Variants in ITPR3 observed in about 807,000 individuals in gnomAD.
ITPR3 encodes inositol 1,4,5-trisphosphate receptor type 3, also known as inositol 1,4,5-trisphosphate-gated calcium channel ITPR3.
ITPR3 carries 173 observed loss-of-function variants against 293.2 expected under a neutral mutation model. The observed-to-expected ratio is 0.59, with a 90% CI of 0.52 to 0.67. The LOEUF (loss-of-function observed/expected upper bound fraction) is 0.67, where lower values mean the gene tolerates loss of function less well. ITPR3 is among the 30% of genes least tolerant of loss of function. The pLI is 0.00. For synonymous variants in ITPR3, 1,295 were observed against 1,444.4 expected (o/e 0.90, Z 2.35); for missense variants, 2,796 against 3,592.1 (o/e 0.78, Z 5.66).
rs1024809192 is a variant in ITPR3, at chr6:33,679,271, T to C, written c.3972+432T>C. Among the ~76,000 whole-genome samples, 3 of 151,970 alleles carry C rather than the reference T, an allele frequency of 2.0e-5. No individual in the cohort carries two copies. The highest frequency in any genetic ancestry group is 4.4e-5 in the Non-Finnish European group (3 of 67,996). On this transcript the variant is annotated intron_variant, in intron 30 of 57. Coordinates refer to ENST00000605930, the MANE Select transcript of ITPR3 (RefSeq NM_002224.4). The surrounding 1 kb of genome is among the most constrained non-coding windows in gnomAD (Gnocchi z 4.2). The stretch of plus-strand genomic sequence containing the variant: ...CGCCAGGGCCCCAGTGTGTGGCGCA[T>C]AGTAGGTTCTCAACAGACACCTGTT...
At chr6:33,661,116 G>A (rs969333580) in intron 7 of ITPR3, among the ~76,000 whole-genome samples, 1 of 152,190 alleles carries the variant, frequency 6.6e-6, no homozygotes, top group Non-Finnish European at 1.5e-5. Flanking sequence ...CTGCGCTACT[G>A]GGGCACAGAA....
chr6:33,678,464 T>C lies in ITPR3; in HGVS notation c.3692T>C (p.Phe1231Ser). Reference protein sequence around the residue: ...MMEILRYTHQFLQKFCAGNPG... With the variant: ...MMEILRYTHQSLQKFCAGNPG... ...GAGATCCTGCGCTACACGCACCAGT[T>C]CCTGCAGAAGTTCTGTGCAGGGAAC... is the stretch of plus-strand genomic sequence containing the variant. Residue 1231 changes from phenylalanine (F) to serine (S), a missense_variant, in exon 29 of 58, where the codon TTC becomes TCC. Around this residue, in one of 8 missense-constraint regions of ITPR3, gnomAD observed 344 missense variants for 460.3 expected, o/e 0.75. Transcript: ENST00000605930. The C allele has an allele frequency of 6.2e-7, 1 of 1,613,648 alleles. No homozygotes were observed. Among genetic ancestry groups the C allele is most frequent in the Non-Finnish European group, 8.5e-7 (1 of 1,180,014 alleles).
intron 2 of ITPR3, among the ~76,000 whole-genome samples, chr6:33,647,027 G>T (rs7771951): frequency 5.3e-5 from 8 of 152,134 alleles, no homozygotes; most frequent in African/African-American, 1.7e-4. Context: ...ATTAAAAAAG[G>T]TTATTTATTT....
rs1764869913 is a variant in ITPR3, at chr6:33,675,074, C to A, written c.3117-617C>A. ...CATTTTCTCCATCTCTGTTCATGGG[C>A]CCCGCTTCTATCCATGAATCCCCCG... On this transcript the variant is annotated intron_variant, in intron 24 of 57. Transcript: ENST00000605930. The surrounding 1 kb of genome is among the most constrained non-coding windows in gnomAD (Gnocchi z 5.0). 6.6e-6 allele frequency among the ~76,000 whole-genome samples: 1 copy of A among 152,150 alleles called. No homozygotes were observed. Among genetic ancestry groups the A allele is most frequent in the Non-Finnish European group, 1.5e-5 (1 of 68,024 alleles).
chr6:33,650,449 G>A (rs1461476990), intron 2 of ITPR3, among the ~76,000 whole-genome samples: 1 of 152,184 alleles, frequency 6.6e-6, no homozygotes, highest in Non-Finnish European at 1.5e-5. Context: ...GAGCAGGGAG[G>A]GCTCTTTTCT....
At chr6:33,662,716 G>A in intron 8 of ITPR3, 42 bp downstream of exon 8, 1 of 1,598,124 alleles carries the variant, frequency 6.3e-7, no homozygotes. Context: ...CTCAGCCTTG[G>A]ATGCCACCCC....
In ITPR3 at chr6:33,684,166, C is replaced by T. The variant is rs774692219; in HGVS notation, c.4935C>T (p.Ser1645=). The change falls in exon 36 of 58, where the codon TCC becomes TCT. Residue 1645 remains serine (S), a splice_region_variant and synonymous_variant. Coordinates refer to ENST00000605930, the MANE Select transcript of ITPR3 (RefSeq NM_002224.4). The surrounding 1 kb of genome is among the most constrained non-coding windows in gnomAD (Gnocchi z 4.2). ...YQRCESGGFL[S]KLIQHTKDLM... ...GCTGCGAGAGTGGGGGCTTCCTGTC[C>T]AAGTGAGCGAGACACTGGGGCATGG... 1 of 1,610,170 alleles carries T rather than the reference C, an allele frequency of 6.2e-7. No homozygotes were observed.
chr6:33,659,797 C>G (rs1387053650), intron 7 of ITPR3, among the ~76,000 whole-genome samples: 1 of 152,196 alleles, frequency 6.6e-6, no homozygotes, highest in Non-Finnish European at 1.5e-5. Flanking sequence ...TGTTTTCTCC[C>G]TTGTTTAAGG....
rs1455504264 is a variant in ITPR3, at chr6:33,655,637, T to G, written c.161-129T>G. On this transcript the variant is annotated intron_variant, in intron 2 of 57. Coordinates refer to ENST00000605930, the MANE Select transcript of ITPR3 (RefSeq NM_002224.4). This position sits in a 1 kb window ranked among gnomAD's most constrained non-coding sequence, Gnocchi z 4.9. ...GTGAGGTTCTTCCAACCGCTTCCTCTCTACCTGCAGCGGGGAACGGGGGTG... is the reference window on the plus strand; with the variant it reads ...GTGAGGTTCTTCCAACCGCTTCCTCGCTACCTGCAGCGGGGAACGGGGGTG... 8.0e-7 allele frequency: 1 copy of G among 1,243,398 alleles called. No individual in the cohort carries two copies. The highest frequency in any genetic ancestry group is 1.1e-6 in the Non-Finnish European group (1 of 891,686). 77.0% of individuals were successfully genotyped at this position (1,243,398 alleles called of 1,614,324 possible).
Position 33,688,075 on chromosome 6 carries a change from C to G in ITPR3, c.6283C>G (p.Gln2095Glu). ...CCTCCAGCTCAGCCTCAACAACAAG[C>G]AGCTGTCACAGATGCTCAAGTCCTC... ...ISSMLSLNNK[Q>E]LSQMLKSSAP... Residue 2095 changes from glutamine to glutamate, a missense_variant, in exon 47 of 58, where the codon CAG (glutamine) becomes GAG (glutamate). Transcript: ENST00000605930. The G allele has an allele frequency of 6.2e-7, 1 of 1,613,978 alleles. No homozygotes were observed. Among genetic ancestry groups the G allele is most frequent in the Non-Finnish European group, 8.5e-7 (1 of 1,179,886 alleles).
intron 28 of ITPR3, among the ~76,000 whole-genome samples, chr6:33,678,091 C>T (rs947049553): frequency 2.0e-5 from 3 of 152,114 alleles, no homozygotes; most frequent in Non-Finnish European, 4.4e-5. Flanking sequence ...CCAGGCCCAC[C>T]CTGGCTCCTG....
chr6:33,668,814 G>T (rs1190407690), intron 17 of ITPR3, among the ~76,000 whole-genome samples, 160 bp from the exon 18 acceptor site: 1 of 152,160 alleles, frequency 6.6e-6, no homozygotes, highest in African/African-American at 2.4e-5. Context: ...TGGGGAAGGG[G>T]CACAGAAAAG....
In ITPR3 at chr6:33,632,074, C is replaced by A. The variant is rs1454861889; in HGVS notation, c.90-8410C>A. Among the ~76,000 whole-genome samples, 1 of 152,074 alleles carries A rather than the reference C, an allele frequency of 6.6e-6. No homozygotes were observed. The highest frequency in any genetic ancestry group is 1.5e-5 in the Non-Finnish European group (1 of 68,000). On this transcript the variant is annotated intron_variant, in intron 1 of 57. Transcript: ENST00000605930. This position sits in a 1 kb window ranked among gnomAD's most constrained non-coding sequence, Gnocchi z 4.1. Reference sequence around the variant, plus strand: ...AACAGTTTGTGCCTTCAGTCTCTTGCCTTGGCACCTGGGTAATCCTCCACC... The same window carrying A: ...AACAGTTTGTGCCTTCAGTCTCTTGACTTGGCACCTGGGTAATCCTCCACC...
In ITPR3 at chr6:33,684,762, T is replaced by A. The variant is rs773157974; in HGVS notation, c.5138-12T>A. The A allele has an allele frequency of 5.0e-6, 8 of 1,609,556 alleles. No homozygotes were observed. The highest frequency in any genetic ancestry group is 1.3e-5 in the African/African-American group (1 of 74,816). On this transcript the variant is annotated splice_polypyrimidine_tract_variant and intron_variant, in intron 38 of 57. Transcript: ENST00000605930. This position sits in a 1 kb window ranked among gnomAD's most constrained non-coding sequence, Gnocchi z 4.2. The stretch of plus-strand genomic sequence containing the variant: ...TCACACCAGCTCTCCCTCAACCGAG[T>A]CCCGCCTCCAGGCCTGGACCCAGAC...
chr6:33,684,138 A>C lies in ITPR3; in HGVS notation c.4907A>C (p.Gln1636Pro). 6.2e-7 allele frequency: 1 copy of C among 1,611,076 alleles called. No homozygotes were observed. The highest frequency in any genetic ancestry group is 8.5e-7 in the Non-Finnish European group (1 of 1,179,830). The change falls in exon 36 of 58, where the codon CAG (glutamine) becomes CCG (proline). Residue 1636 changes from glutamine (Q) to proline (P), a missense_variant. Physicochemically the swap from Gln to Pro is moderately conservative, Grantham distance 76. Coordinates refer to ENST00000605930, the MANE Select transcript of ITPR3 (RefSeq NM_002224.4). This position sits in a 1 kb window ranked among gnomAD's most constrained non-coding sequence, Gnocchi z 4.2. ...TTCCTGGAGGGCAGTGAGGCCTACC[A>C]GCGCTGCGAGAGTGGGGGCTTCCTG... is the stretch of plus-strand genomic sequence containing the variant. The part of the protein sequence containing the change: ...LLFLEGSEAY[Q>P]RCESGGFLSK...
Position 33,696,217 on chromosome 6 carries a change from TTTAAC to T in ITPR3, c.*441_*445del, listed in dbSNP as rs538488393. On this transcript the variant is annotated 3_prime_UTR_variant, in exon 58 of 58. Transcript: ENST00000605930. ...TACTAGTGATTTTAGGGCTTTGTTATTTAACTTATTTCAAGGGTGCTGTGCTCAGC... is the reference window on the plus strand; with the variant it reads ...TACTAGTGATTTTAGGGCTTTGTTATTTATTTCAAGGGTGCTGTGCTCAGC... The T allele has an allele frequency of 2.8e-3, 557 of 196,052 alleles. 3 individuals are homozygous for T. The highest frequency in any genetic ancestry group is 8.9e-3 in the Middle Eastern group (4 of 450). 12.1% of individuals were successfully genotyped at this position (196,052 alleles called of 1,614,324 possible).
intron 2 of ITPR3, among the ~76,000 whole-genome samples, chr6:33,645,687 G>T (rs536435452): frequency 6.6e-6 from 1 of 152,340 alleles, no homozygotes; most frequent in African/African-American, 2.4e-5. Context: ...CCACATCCTT[G>T]CCACACTTGG....
At chr6:33,665,383 G>A (rs16869323) in intron 13 of ITPR3, among the ~76,000 whole-genome samples, 170 bp downstream of exon 13, 3,090 of 152,306 alleles carry the variant, frequency 0.02, 99 homozygotes, top group African/African-American at 0.068. Context: ...GGTGCCTCAC[G>A]GCTTAGGTAC....
At chr6:33,665,324 G>A in intron 13 of ITPR3, 111 bp downstream of exon 13, 1 of 1,414,294 alleles carries the variant, frequency 7.1e-7, no homozygotes, top group Non-Finnish European at 9.6e-7. Flanking sequence ...GGAGAGAGTA[G>A]GGGACTGGCC....
Sources: allele counts gnomAD v4.1 joint callset (sites outside exome capture counted in the v4.1 genomes callset), GRCh38; gene constraint gnomAD v4.1.1; regional missense constraint gnomAD v4.1.1; non-coding constraint Gnocchi (gnomAD v3.1); transcripts MANE v1.5; gene names NCBI Gene and HGNC (gene_info 2026-07-23, HGNC 2026-07-21).